Variants in TDRD5 observed in about 807,000 individuals in gnomAD.
TDRD5 encodes tudor domain-containing protein 5.
A neutral mutation model predicts 120.6 loss-of-function variants in TDRD5; 41 were observed. The ratio of observed to expected loss-of-function variants is 0.34; its 90% CI spans 0.26 to 0.44. The LOEUF (loss-of-function observed/expected upper bound fraction) is 0.44, where lower values mean the gene tolerates loss of function less well. Among genes scored for constraint, TDRD5 ranks in the 20% least tolerant of loss-of-function variants. The pLI, the probability that TDRD5 is intolerant of heterozygous loss-of-function variation, is 1.00. For missense variants in TDRD5, 1,006 were observed against 1,221.2 expected, an observed-to-expected ratio of 0.82 and a Z score of 2.63; for synonymous variants, 430 against 433.7, an observed-to-expected ratio of 0.99 and a Z score of 0.11.
At position 179,686,538 on chromosome 1, in the gene TDRD5, A is replaced by G. The variant is rs573104724; in HGVS notation, c.2861-4158A>G. Among the ~76,000 whole-genome samples the G allele has an allele frequency of 2.0e-5, 3 of 152,340 alleles. No homozygotes were observed. The South Asian group carries it at 6.2e-4, about 32-fold the overall frequency. On this transcript the variant is annotated intron_variant, in intron 17 of 17. Coordinates refer to ENST00000444136, the MANE Select transcript of TDRD5 (RefSeq NM_001199085.3). ...TGTGTCTCTGCCAGGCTTTGGTATC[A>G]GGATGATGCTGGCTTCATAAAATGA...
intron 17 of TDRD5, among the ~76,000 whole-genome samples, chr1:179,677,309 C>G (rs1306606784): frequency 2.0e-5 from 3 of 152,068 alleles, no homozygotes; most frequent in Non-Finnish European, 4.4e-5. Flanking sequence ...CTGGTGCCTC[C>G]TTGATTAGCT....
chr1:179,631,006 G>T, intron 7 of TDRD5, 86 bp downstream of exon 7: 1 of 1,315,530 alleles, frequency 7.6e-7, no homozygotes, highest in Non-Finnish European at 1.0e-6. Flanking sequence ...GCCTAGCCAT[G>T]AAATGTTTTA....
intron 17 of TDRD5, among the ~76,000 whole-genome samples, chr1:179,670,421 C>T (rs537098942): frequency 6.6e-6 from 1 of 151,960 alleles, no homozygotes; most frequent in East Asian, 1.9e-4. Context: ...TATATGTACA[C>T]ACACATAGGA....
At chr1:179,650,833 A>G (rs1186145276) in intron 11 of TDRD5, 34 bp from the exon 12 acceptor site, 10 of 1,595,974 alleles carry the variant, frequency 6.3e-6, no homozygotes, top group Admixed American at 1.7e-5. Flanking sequence ...GTTTAGATCT[A>G]TCACCTGAAT....
chr1:179,606,130 C>T (rs1037329927), intron 4 of TDRD5, among the ~76,000 whole-genome samples: 6 of 148,680 alleles, frequency 4.0e-5, no homozygotes, highest in African/African-American at 1.5e-4. Context: ...TAGATTTTGG[C>T]CATTCTAATA....
chr1:179,656,792 C>T (rs1310931179), intron 14 of TDRD5, among the ~76,000 whole-genome samples: 1 of 152,190 alleles, frequency 6.6e-6, no homozygotes. Flanking sequence ...TGGCTCATGC[C>T]TATAATCCTA....
chr1:179,645,438 T>G (rs186820562), intron 11 of TDRD5, among the ~76,000 whole-genome samples: 1 of 152,232 alleles, frequency 6.6e-6, no homozygotes, highest in Non-Finnish European at 1.5e-5. Context: ...TTAAATACAC[T>G]GTGGTCAGAG....
At chr1:179,641,921 A>G (rs1047933883) in intron 11 of TDRD5, among the ~76,000 whole-genome samples, 1 of 152,064 alleles carries the variant, frequency 6.6e-6, no homozygotes, top group Non-Finnish European at 1.5e-5. Flanking sequence ...CCTGTATTCA[A>G]GGTTGTTTTC....
chr1:179,634,184 A>G (rs950972150), intron 7 of TDRD5, among the ~76,000 whole-genome samples: 1 of 151,380 alleles, frequency 6.6e-6, no homozygotes, highest in African/African-American at 2.4e-5. Flanking sequence ...AAACAAAAAA[A>G]CAAAAAAAAG....
chr1:179,660,511 A>G (rs563119018), intron 14 of TDRD5, among the ~76,000 whole-genome samples: 83 of 151,826 alleles, frequency 5.5e-4, no homozygotes, highest in Non-Finnish European at 1.0e-3. Context: ...ATCTATTTGT[A>G]TAGTGTTTTT....
intron 6 of TDRD5, 26 bp downstream of exon 6, chr1:179,621,117 C>A: frequency 6.3e-7 from 1 of 1,578,680 alleles, no homozygotes; most frequent in Admixed American, 1.9e-5. Flanking sequence ...TTCCCCAACC[C>A]TAATTTTTTA....
At chr1:179,594,192 C>T (rs1366507491) in intron 3 of TDRD5, among the ~76,000 whole-genome samples, 1 of 152,152 alleles carries the variant, frequency 6.6e-6, no homozygotes, top group Non-Finnish European at 1.5e-5. Context: ...TGTAAATGAA[C>T]TTTACATGAA....
Position 179,630,844 on chromosome 1 carries a change from C to T in TDRD5, c.1050C>T (p.Asp350=). 1 of 1,614,066 alleles carries T rather than the reference C, an allele frequency of 6.2e-7. No individual in the cohort carries two copies. Among genetic ancestry groups the T allele is most frequent in the Non-Finnish European group, 8.5e-7 (1 of 1,179,972 alleles). ...CAGAACTTGTTGGAGCTCTTAGTGACATTCTCCATGTTGAGTTCAGGAAAG... is the reference window on the plus strand; with the variant it reads ...CAGAACTTGTTGGAGCTCTTAGTGATATTCTCCATGTTGAGTTCAGGAAAG... ...NVTELVGALS[D]ILHVEFRKGH... Residue 350 remains aspartate, a synonymous_variant, in exon 7 of 18, where the codon GAC becomes GAT. Coordinates refer to ENST00000444136, the MANE Select transcript of TDRD5 (RefSeq NM_001199085.3).
At chr1:179,633,010 C>T (rs1188908160) in intron 7 of TDRD5, among the ~76,000 whole-genome samples, 2 of 152,108 alleles carry the variant, frequency 1.3e-5, no homozygotes. Context: ...AAGTGAAAAA[C>T]AGTGTTGTAT....
Position 179,619,593 on chromosome 1 carries a change from A to G in TDRD5, c.915+911A>G, listed in dbSNP as rs540194638. Among the ~76,000 whole-genome samples the G allele has an allele frequency of 2.0e-5, 3 of 152,208 alleles. No individual in the cohort carries two copies. In the East Asian group the frequency reaches 5.8e-4, roughly 29 times the overall value. On this transcript the variant is annotated intron_variant, in intron 5 of 17. Coordinates refer to ENST00000444136, the MANE Select transcript of TDRD5 (RefSeq NM_001199085.3). The stretch of plus-strand genomic sequence containing the variant: ...TGTTTAGACACTTGAGCAAGTGTCC[A>G]ATAATTACTTGTTAAAGGACATTCA...
At chr1:179,672,545 G>T (rs1049032612) in intron 17 of TDRD5, among the ~76,000 whole-genome samples, 23 of 152,104 alleles carry the variant, frequency 1.5e-4, no homozygotes, top group Non-Finnish European at 7.4e-5. Flanking sequence ...TCTGTGGGTT[G>T]TCTTGTTAAC....
At chr1:179,613,673 A>T (rs1676402932) in intron 4 of TDRD5, among the ~76,000 whole-genome samples, 1 of 152,142 alleles carries the variant, frequency 6.6e-6, no homozygotes, top group Admixed American at 6.5e-5. Flanking sequence ...GGGGCAAGGG[A>T]TCTCGCCAAG....
Position 179,669,417 on chromosome 1 carries a change from G to A in TDRD5, c.2860+13G>A, listed in dbSNP as rs1558420373. On this transcript the variant is annotated intron_variant, in intron 17 of 17. Coordinates refer to ENST00000444136, the MANE Select transcript of TDRD5 (RefSeq NM_001199085.3). The stretch of plus-strand genomic sequence containing the variant: ...CCCTCTGGTTCTGGTATGTTTGTGT[G>A]TACTTGTGCATGCTCACAGTTGACA... 6.2e-7 allele frequency: 1 copy of A among 1,613,388 alleles called. No homozygotes were observed. Among genetic ancestry groups the A allele is most frequent in the Non-Finnish European group, 8.5e-7 (1 of 1,179,658 alleles).
At chr1:179,672,295 G>A (rs537636969) in intron 17 of TDRD5, among the ~76,000 whole-genome samples, 1 of 151,812 alleles carries the variant, frequency 6.6e-6, no homozygotes, top group East Asian at 1.9e-4. Flanking sequence ...TTATTTTTTT[G>A]ATTATGGGTA....
Sources: gnomAD v4.1 joint callset for allele counts (sites outside exome capture counted in the v4.1 genomes callset) on GRCh38, gnomAD v4.1.1 for gene constraint, MANE v1.5 for transcripts, NCBI Gene and HGNC (gene_info 2026-07-23, HGNC 2026-07-21) for gene names.